Variants in UPP1 observed in about 807,000 individuals in gnomAD.
UPP1 encodes the protein uridine phosphorylase 1, also known as UPase 1.
Under a neutral mutation model 29.6 loss-of-function variants are expected in UPP1, and 25 were observed. The observed-to-expected ratio is 0.85, with a 90% confidence interval of 0.62 to 1.18. The LOEUF (loss-of-function observed/expected upper bound fraction) is 1.18, where lower values mean the gene tolerates loss of function less well. UPP1 is among the 50% of genes most tolerant of loss of function. The probability of loss-of-function intolerance (pLI) is 0.00; values close to 1 mark genes in which losing one functional copy is unlikely to be tolerated. For missense variants in UPP1, 368 were observed against 410.4 expected, an observed-to-expected ratio of 0.90 and a Z score of 0.89; for synonymous variants, 165 against 159.8, an observed-to-expected ratio of 1.03 and a Z score of -0.25.
rs1237488357 is a variant in UPP1 at position 48,107,481 on chromosome 7, C to A, written c.767C>A (p.Ala256Asp). The A allele has an allele frequency of 6.2e-7, 1 of 1,613,330 alleles. No homozygotes were observed. The highest frequency in any genetic ancestry group is 1.7e-5 in the Admixed American group (1 of 59,974). The change falls in exon 8 of 9, where the codon GCC (alanine) becomes GAC (aspartate). Residue 256 changes from alanine to aspartate, a missense_variant. Coordinates refer to ENST00000395564, the MANE Select transcript of UPP1 (RefSeq NM_003364.4). ...GAGATGGAGTCCTCGGTGTTTGCCG[C>A]CATGTGCAGCGCCTGCGGCCTCCAA... ...NIEMESSVFA[A>D]MCSACGLQAA... is the part of the protein sequence containing the mutation.
At position 48,106,868 on chromosome 7, in the gene UPP1, C is replaced by T. The variant is rs1792774809; in HGVS notation, c.437-5C>T. On this transcript the variant is annotated splice_polypyrimidine_tract_variant and splice_region_variant and intron_variant, in intron 6 of 8. Coordinates refer to ENST00000395564, the MANE Select transcript of UPP1 (RefSeq NM_003364.4). ...GCATATCTTGATGTCTGCTTTTTTC[C>T]TCAGGTCTGGAGCCCGGCACTGTGG... The T allele has an allele frequency of 6.2e-7, 1 of 1,613,066 alleles. No individual in the cohort carries two copies. Among genetic ancestry groups the T allele is most frequent in the Admixed American group, 1.7e-5 (1 of 59,874 alleles).
chr7:48,102,021 C>T (rs753799999), intron 5 of UPP1, 39 bp downstream of exon 5: 1 of 1,594,418 alleles, frequency 6.3e-7, no homozygotes, highest in South Asian at 1.1e-5. Context: ...TCTCTAGGCT[C>T]TGCAACCCCC....
intron 2 of UPP1, among the ~76,000 whole-genome samples, chr7:48,092,371 C>G (rs980608487): frequency 6.6e-6 from 1 of 152,132 alleles, no homozygotes; most frequent in Non-Finnish European, 1.5e-5. Flanking sequence ...CCCCTACGCC[C>G]CGGGATCCTC....
Position 48,101,991 on chromosome 7 carries a change from C to G in UPP1, c.321+9C>G. ...CGGTGCTGTCTGTCAGTGTGAGTAC[C>G]TGCCTTCCCTTGTGCTCAGTCTCTA... On this transcript the variant is annotated intron_variant, in intron 5 of 8. Coordinates refer to ENST00000395564, the MANE Select transcript of UPP1 (RefSeq NM_003364.4). 1 of 1,611,992 alleles carries G rather than the reference C, an allele frequency of 6.2e-7. No individual in the cohort carries two copies. The highest frequency in any genetic ancestry group is 1.1e-5 in the South Asian group (1 of 90,824).
At chr7:48,100,528 T>C (rs1792365772) in intron 4 of UPP1, among the ~76,000 whole-genome samples, 1 of 152,254 alleles carries the variant, frequency 6.6e-6, no homozygotes, top group Admixed American at 6.5e-5. Context: ...TAATGTCTTA[T>C]TTTGCTTCAT....
Position 48,094,824 on chromosome 7 carries a change from A to G in UPP1, c.41A>G (p.His14Arg), listed in dbSNP as rs767008559. The G allele has an allele frequency of 4.3e-6, 7 of 1,614,180 alleles. No homozygotes were observed. Among genetic ancestry groups the G allele is most frequent in the Non-Finnish European group, 5.9e-6 (7 of 1,180,038 alleles). The change falls in exon 3 of 9, where the codon CAC (histidine) becomes CGC (arginine). Residue 14 changes from histidine (H) to arginine (R), a missense_variant. By Grantham distance (29) the His-to-Arg change is conservative (BLOSUM62 0). Coordinates refer to ENST00000395564, the MANE Select transcript of UPP1 (RefSeq NM_003364.4). ...TGANAEKAES[H>R]NDCPVRLLNP... ...GCCAATGCAGAGAAAGCTGAAAGTC[A>G]CAAGTAAGGCTCCATTTCATTCCAG...
chr7:48,100,910 CTTT>C (rs148106734), intron 4 of UPP1, among the ~76,000 whole-genome samples: 1,777 of 150,216 alleles, frequency 0.012, 11 homozygotes, highest in South Asian at 0.026. Flanking sequence ...TATCTTCAGA[CTTT>C]TTTTTTTAAA....
intron 3 of UPP1, among the ~76,000 whole-genome samples, chr7:48,095,726 C>T (rs1003976805): frequency 1.1e-4 from 16 of 152,064 alleles, no homozygotes; most frequent in African/African-American, 3.9e-4. Flanking sequence ...CAGCTTGCTG[C>T]AACCTCTGCT....
chr7:48,099,317 G>A (rs1389499324), intron 3 of UPP1, among the ~76,000 whole-genome samples: 1 of 152,132 alleles, frequency 6.6e-6, no homozygotes, highest in African/African-American at 2.4e-5. Context: ...ATAAATTCAA[G>A]TTTATACATC....
At chr7:48,105,692 A>T (rs550000556) in intron 6 of UPP1, 1 of 152,536 alleles carries the variant, frequency 6.6e-6, no homozygotes, top group Non-Finnish European at 1.5e-5. Flanking sequence ...TTTCGGATTC[A>T]TAGAGCTCTG....
intron 2 of UPP1, among the ~76,000 whole-genome samples, chr7:48,093,657 G>A (rs1791968177): frequency 6.6e-6 from 1 of 152,190 alleles, no homozygotes; most frequent in South Asian, 2.1e-4. Context: ...TCTGACTACT[G>A]AGCCCTAGTA....
At chr7:48,102,331 C>G (rs1792472374) in intron 5 of UPP1, among the ~76,000 whole-genome samples, 1 of 152,112 alleles carries the variant, frequency 6.6e-6, no homozygotes, top group Non-Finnish European at 1.5e-5. Flanking sequence ...AGTACCAGGC[C>G]TCTAATCCCC....
chr7:48,108,062 G>T (rs976995535), intron 8 of UPP1, among the ~76,000 whole-genome samples, 156 bp from the exon 9 acceptor site: 3 of 152,156 alleles, frequency 2.0e-5, no homozygotes, highest in African/African-American at 7.2e-5. Flanking sequence ...TTTCCCTCCC[G>T]CACTCCATCC....
chr7:48,097,402 T>C (rs893213880), intron 3 of UPP1, among the ~76,000 whole-genome samples: 2 of 151,968 alleles, frequency 1.3e-5, no homozygotes, highest in African/African-American at 2.4e-5. Context: ...CCTGGCTAAT[T>C]TTTACATTTT....
chr7:48,099,775 T>C lies in UPP1; in HGVS notation c.150T>C (p.Phe50=), dbSNP rs778178086. The C allele has an allele frequency of 6.2e-7, 1 of 1,610,850 alleles. No individual in the cohort carries two copies. Among genetic ancestry groups the C allele is most frequent in the East Asian group, 2.2e-5 (1 of 44,868 alleles). The change falls in exon 4 of 9, where the codon TTT becomes TTC. Residue 50 remains phenylalanine (F), a synonymous_variant. Transcript: ENST00000395564. ...GCAGACACAATTTCCCAGCCTTGTT[T>C]GGAGATGTGAAGGTAAGAGGCCAGG... The part of the protein sequence containing the change: ...TTSRHNFPAL[F]GDVKFVCVGG...
At chr7:48,092,402 A>G (rs1045539047) in intron 2 of UPP1, among the ~76,000 whole-genome samples, 2 of 152,104 alleles carry the variant, frequency 1.3e-5, no homozygotes, top group Non-Finnish European at 2.9e-5. Flanking sequence ...TTTTGATAAG[A>G]AGCACTGCCC....
At chr7:48,093,348 G>C (rs1791948738) in intron 2 of UPP1, among the ~76,000 whole-genome samples, 1 of 152,196 alleles carries the variant, frequency 6.6e-6, no homozygotes, top group Non-Finnish European at 1.5e-5. Context: ...ACGAAGGTGA[G>C]AACCGTGTGG....
intron 3 of UPP1, among the ~76,000 whole-genome samples, chr7:48,096,078 A>G (rs1792114773): frequency 6.6e-6 from 1 of 152,148 alleles, no homozygotes; most frequent in African/African-American, 2.4e-5. Context: ...GTTGAGGCCT[A>G]GTAGGAGGCT....
chr7:48,099,409 T>C (rs1306075370), intron 3 of UPP1, among the ~76,000 whole-genome samples: 1 of 152,194 alleles, frequency 6.6e-6, no homozygotes, highest in Admixed American at 6.5e-5. Context: ...CTGTGTACTT[T>C]CGTGTGCTCT....
Sources: allele counts gnomAD v4.1 joint callset (sites outside exome capture counted in the v4.1 genomes callset), GRCh38; gene constraint gnomAD v4.1.1; transcripts MANE v1.5; gene names NCBI Gene and HGNC (gene_info 2026-07-23, HGNC 2026-07-21).